The following MAP2 variants were observed in gnomAD, a reference collection of about 807,000 sequenced individuals.
The protein encoded by MAP2 is microtubule associated protein 2.
Under a neutral mutation model 137.6 loss-of-function variants are expected in MAP2, and 14 were observed. That is an observed-to-expected ratio of 0.10 (90% CI 0.07 to 0.16). MAP2 has a LOEUF of 0.16. Among genes scored for constraint, MAP2 ranks in the 10% least tolerant of loss-of-function variants. The pLI is 1.00. For missense variants in MAP2, 2,088 were observed against 2,191.5 expected (o/e 0.95, Z 0.94); for synonymous variants, 786 against 782.3 (o/e 1.00, Z -0.08).
chr2:209,729,178 A>C (rs2075205990), intron 14 of MAP2, among the ~76,000 whole-genome samples: 1 of 152,084 alleles, frequency 6.6e-6, no homozygotes, highest in African/African-American at 2.4e-5. Flanking sequence ...CATGGTCAAA[A>C]CTCTGTCTCA....
At chr2:209,432,703 GA>G (rs1694637926) in intron 1 of MAP2, among the ~76,000 whole-genome samples, 1 of 152,102 alleles carries the variant, frequency 6.6e-6, no homozygotes, top group Non-Finnish European at 1.5e-5. Flanking sequence ...TCACTGAGTA[GA>G]TTGTACAGAG....
At chr2:209,593,257 G>C (rs1439251169) in intron 3 of MAP2, among the ~76,000 whole-genome samples, 1 of 151,730 alleles carries the variant, frequency 6.6e-6, no homozygotes, top group Non-Finnish European at 1.5e-5. Context: ...ATTTCCTCAA[G>C]AGTGATTTTT....
chr2:209,511,359 C>T (rs1196304092), intron 2 of MAP2, among the ~76,000 whole-genome samples: 1 of 152,108 alleles, frequency 6.6e-6, no homozygotes, highest in Non-Finnish European at 1.5e-5. Context: ...TCCTATCTTG[C>T]TCCCAAAGAG....
chr2:209,632,524 C>T (rs755005365), intron 4 of MAP2, among the ~76,000 whole-genome samples: 16 of 152,108 alleles, frequency 1.1e-4, no homozygotes, highest in Non-Finnish European at 2.1e-4. Flanking sequence ...TATTAAGAGA[C>T]AGGAAAACAA....
chr2:209,513,572 GT>G (rs1467673946), intron 2 of MAP2, among the ~76,000 whole-genome samples: 1 of 150,790 alleles, frequency 6.6e-6, no homozygotes, highest in Admixed American at 6.7e-5. Flanking sequence ...ATGTGTGTAT[GT>G]TTTAATAATC....
chr2:209,573,297 TG>T (rs2074717251), intron 2 of MAP2, among the ~76,000 whole-genome samples: 1 of 141,492 alleles, frequency 7.1e-6, no homozygotes, highest in Non-Finnish European at 1.5e-5. Flanking sequence ...TTTCTTTTTC[TG>T]TTTTTTTTTT....
chr2:209,611,966 T>C (rs540906479), intron 3 of MAP2, among the ~76,000 whole-genome samples: 2 of 152,006 alleles, frequency 1.3e-5, no homozygotes, highest in Non-Finnish European at 2.9e-5. Flanking sequence ...CAAAAATAAA[T>C]AAGTGGATAA....
At position 209,695,164 on chromosome 2, in the gene MAP2, A is replaced by T. The variant is rs2059875368; in HGVS notation, c.2994A>T (p.Gln998His). Reference sequence around the variant, plus strand: ...TCGGATTAGGAGTAACCTATGAGCAAGCTTTGGCCAAAGATTTGTCAATAC... The same window carrying T: ...TCGGATTAGGAGTAACCTATGAGCATGCTTTGGCCAAAGATTTGTCAATAC... The part of the protein sequence containing the change: ...ETFGLGVTYE[Q>H]ALAKDLSIPT... Residue 998 changes from glutamine (Q) to histidine (H), a missense_variant, in exon 8 of 16, where the codon CAA becomes CAT. Around this residue, in one of 6 missense-constraint regions of MAP2, gnomAD observed 500 missense variants for 482.9 expected, o/e 1.04. Transcript: ENST00000682079. 6.2e-7 allele frequency: 1 copy of T among 1,614,220 alleles called. No individual in the cohort carries two copies. The highest frequency in any genetic ancestry group is 8.5e-7 in the Non-Finnish European group (1 of 1,180,018).
At chr2:209,601,888 G>C (rs532560161) in intron 3 of MAP2, among the ~76,000 whole-genome samples, 138 of 152,216 alleles carry the variant, frequency 9.1e-4, no homozygotes, top group African/African-American at 2.6e-3. Flanking sequence ...CAAAATAAAA[G>C]TAAATTGCCA....
chr2:209,724,883 C>T (rs1559673001), intron 13 of MAP2, among the ~76,000 whole-genome samples: 1 of 152,188 alleles, frequency 6.6e-6, no homozygotes, highest in Non-Finnish European at 1.5e-5. Flanking sequence ...CTATCCTTTA[C>T]ACAAGTGCTG....
At chr2:209,539,454 C>T (rs1429041238) in intron 2 of MAP2, among the ~76,000 whole-genome samples, 1 of 152,136 alleles carries the variant, frequency 6.6e-6, no homozygotes, top group African/African-American at 2.4e-5. Flanking sequence ...CTGAAGAAAA[C>T]AATGAATAAT....
intron 3 of MAP2, among the ~76,000 whole-genome samples, chr2:209,623,858 T>A (rs1357813549): frequency 6.6e-6 from 1 of 152,200 alleles, no homozygotes; most frequent in African/African-American, 2.4e-5. Context: ...ATGTTTCTTC[T>A]TGCCTGCAGA....
chr2:209,563,672 A>G (rs956062979), intron 2 of MAP2, among the ~76,000 whole-genome samples: 1 of 152,202 alleles, frequency 6.6e-6, no homozygotes, highest in African/African-American at 2.4e-5. Flanking sequence ...GACCAAGATG[A>G]TATTAACATA....
intron 4 of MAP2, among the ~76,000 whole-genome samples, chr2:209,625,522 A>T (rs564661367): frequency 6.6e-6 from 1 of 152,154 alleles, no homozygotes; most frequent in Non-Finnish European, 1.5e-5. Context: ...TGACGTAGAT[A>T]TGGGGATCAT....
intron 4 of MAP2, among the ~76,000 whole-genome samples, chr2:209,633,333 G>A (rs906831): frequency 0.25 from 38,051 of 152,042 alleles, 7,649 homozygotes; most frequent in African/African-American, 0.56. Context: ...GCAATAAGGG[G>A]CATCTGGTAG....
chr2:209,457,008 G>A (rs1270670234), intron 1 of MAP2, among the ~76,000 whole-genome samples: 3 of 152,084 alleles, frequency 2.0e-5, no homozygotes, highest in African/African-American at 7.2e-5. Context: ...CAGATCAAAA[G>A]AAATTAGGTG....
chr2:209,560,347 G>A (rs1559320671), intron 2 of MAP2, among the ~76,000 whole-genome samples: 1 of 152,070 alleles, frequency 6.6e-6, no homozygotes, highest in Non-Finnish European at 1.5e-5. Flanking sequence ...TTATTTAGTA[G>A]GTCTGAAAGA....
intron 2 of MAP2, among the ~76,000 whole-genome samples, chr2:209,519,801 TA>T (rs2063016580): frequency 7.1e-6 from 1 of 139,972 alleles, no homozygotes; most frequent in Non-Finnish European, 1.5e-5. Context: ...CAGTATATTC[TA>T]AAACAAATAA....
At chr2:209,511,628 G>A (rs981380673) in intron 2 of MAP2, among the ~76,000 whole-genome samples, 1 of 152,070 alleles carries the variant, frequency 6.6e-6, no homozygotes, top group African/African-American at 2.4e-5. Flanking sequence ...CTGGAGTATA[G>A]TGACACAATC....
Sources: gnomAD v4.1 joint callset for allele counts (sites outside exome capture counted in the v4.1 genomes callset) on GRCh38, gnomAD v4.1.1 for gene constraint, gnomAD v4.1.1 regional missense constraint, MANE v1.5 for transcripts, NCBI Gene and HGNC (gene_info 2026-07-23, HGNC 2026-07-21) for gene names.